Variants in NTRK3 observed in about 807,000 individuals in gnomAD.
NTRK3 encodes NT-3 growth factor receptor.
NTRK3 carries 24 observed loss-of-function variants against 91.7 expected under a neutral mutation model. The observed-to-expected ratio is 0.26, with a 90% CI of 0.19 to 0.37. NTRK3 has a LOEUF of 0.37. Among genes scored for constraint, NTRK3 ranks in the 10% least tolerant of loss-of-function variants. The pLI is 1.00. For synonymous variants in NTRK3, 483 were observed against 404.0 expected, an observed-to-expected ratio of 1.20 and a Z score of -2.34; for missense variants, 880 against 1,068.9, an observed-to-expected ratio of 0.82 and a Z score of 2.46.
chr15:87,971,987 G>A (rs1367464191), intron 14 of NTRK3, among the ~76,000 whole-genome samples: 10 of 152,200 alleles, frequency 6.6e-5, no homozygotes, highest in African/African-American at 2.4e-4. Context: ...GTGAGCTTTG[G>A]AGTGAGAAAG....
At chr15:88,225,807 A>C (rs566646919) in intron 3 of NTRK3, among the ~76,000 whole-genome samples, 26 of 152,102 alleles carry the variant, frequency 1.7e-4, no homozygotes, top group Middle Eastern at 3.4e-3. Flanking sequence ...AGGCAGGAGG[A>C]GGGATGGGAG....
chr15:88,113,251 T>C (rs1449878803), intron 13 of NTRK3, among the ~76,000 whole-genome samples: 2 of 151,818 alleles, frequency 1.3e-5, no homozygotes, highest in African/African-American at 4.8e-5. Flanking sequence ...ATTAATATTA[T>C]GACCTGCTTC....
At chr15:88,007,863 AC>A (rs2076605595) in intron 14 of NTRK3, among the ~76,000 whole-genome samples, 1 of 152,042 alleles carries the variant, frequency 6.6e-6, no homozygotes, top group African/African-American at 2.4e-5. Context: ...GATGAATAGG[AC>A]CCCTAACGTG....
In NTRK3 at chr15:87,877,148, T is replaced by G. The variant is rs367865797; in HGVS notation, c.2293-28A>C. 2.0e-5 allele frequency: 32 copies of G among 1,611,672 alleles called. No homozygotes were observed. In the Middle Eastern group the frequency reaches 7.1e-4, roughly 36 times the overall value. On this transcript the variant is annotated intron_variant, in intron 18 of 18. Transcript: ENST00000394480. ...GAAAGAGTGAGAAGAACAAGGAAGT[T>G]ACACCCAAAGCTCAGCCTTGGTCCT...
intron 14 of NTRK3, among the ~76,000 whole-genome samples, chr15:87,984,552 G>C (rs1365058298): frequency 6.6e-6 from 1 of 152,260 alleles, no homozygotes; most frequent in African/African-American, 2.4e-5. Context: ...GCTGGCCACA[G>C]TCTATGCTGC....
At chr15:87,886,721 T>TAC (rs1366635360) in intron 17 of NTRK3, among the ~76,000 whole-genome samples, 1 of 117,250 alleles carries the variant, frequency 8.5e-6, no homozygotes, top group Non-Finnish European at 1.8e-5. Context: ...CACACACACA[T>TAC]ACACACACAC....
intron 3 of NTRK3, among the ~76,000 whole-genome samples, chr15:88,224,037 C>T (rs2050467783): frequency 6.6e-6 from 1 of 152,208 alleles, no homozygotes; most frequent in African/African-American, 2.4e-5. Context: ...GCTAGGAAGG[C>T]CCGGGGCCGG....
chr15:87,996,399 G>A lies in NTRK3; in HGVS notation c.1585+36458C>T, dbSNP rs1000600961. ...CACGTGATACATTAGGGCTGGGATC[G>A]CTGAAGGAGAACCAAGAGGATGGAT... is the stretch of plus-strand genomic sequence containing the variant. On this transcript the variant is annotated intron_variant, in intron 14 of 18. Transcript: ENST00000394480. 2.6e-5 allele frequency among the ~76,000 whole-genome samples: 4 copies of A among 152,134 alleles called. No homozygotes were observed. In the South Asian group the frequency reaches 8.3e-4, roughly 32 times the overall value.
At chr15:88,169,862 T>C (rs1225412629) in intron 5 of NTRK3, among the ~76,000 whole-genome samples, 1 of 152,156 alleles carries the variant, frequency 6.6e-6, no homozygotes, top group Non-Finnish European at 1.5e-5. Flanking sequence ...TCCTTAGGTT[T>C]CAGGTGGCCT....
rs140933685 is a variant in NTRK3 at position 88,208,367 on chromosome 15, C to G, written c.249-24068G>C. 4.6e-5 allele frequency among the ~76,000 whole-genome samples: 7 copies of G among 152,100 alleles called. No homozygotes were observed. In the South Asian group the frequency reaches 8.3e-4, roughly 18 times the overall value. The stretch of plus-strand genomic sequence containing the variant: ...AAAATGATACCCCTCTAAAGGGAAT[C>G]AAAATAGAGTGGACACAAAGGAAAT... On this transcript the variant is annotated intron_variant, in intron 3 of 18. Coordinates refer to ENST00000394480, the Ensembl canonical transcript of NTRK3.
At chr15:88,104,209 T>A (rs1264894341) in intron 13 of NTRK3, among the ~76,000 whole-genome samples, 1 of 152,208 alleles carries the variant, frequency 6.6e-6, no homozygotes, top group Non-Finnish European at 1.5e-5. Flanking sequence ...ACCTTTGACG[T>A]TGAAAGATGA....
intron 17 of NTRK3, among the ~76,000 whole-genome samples, chr15:87,907,584 G>A (rs180939162): frequency 1.2e-4 from 18 of 152,136 alleles, no homozygotes; most frequent in Admixed American, 2.0e-4. Context: ...CTTAACTACC[G>A]CACGCCCTGT....
chr15:88,012,542 A>G (rs1160685532), intron 14 of NTRK3, among the ~76,000 whole-genome samples: 1 of 152,182 alleles, frequency 6.6e-6, no homozygotes, highest in East Asian at 1.9e-4. Context: ...CACTGTCACA[A>G]AAAAGTATTT....
At chr15:88,189,966 A>C (rs2047256309) in intron 3 of NTRK3, among the ~76,000 whole-genome samples, 1 of 152,188 alleles carries the variant, frequency 6.6e-6, no homozygotes, top group African/African-American at 2.4e-5. Flanking sequence ...AAAATTGTAG[A>C]ACACAAAGAC....
intron 3 of NTRK3, among the ~76,000 whole-genome samples, chr15:88,202,025 C>T (rs2048344561): frequency 6.6e-6 from 1 of 151,996 alleles, no homozygotes; most frequent in South Asian, 2.1e-4. Context: ...AAAAAGACTA[C>T]ATCAAGGCCT....
intron 14 of NTRK3, among the ~76,000 whole-genome samples, chr15:87,982,446 C>T (rs2074368364): frequency 6.6e-6 from 1 of 152,042 alleles, no homozygotes. Flanking sequence ...GGCCCACAGA[C>T]CCCGCTACAT....
intron 17 of NTRK3, among the ~76,000 whole-genome samples, chr15:87,906,286 G>A (rs1284780594): frequency 6.6e-6 from 1 of 152,234 alleles, no homozygotes; most frequent in African/African-American, 2.4e-5. Flanking sequence ...CAAGGTGCCT[G>A]GCTAGAGCAG....
At position 87,984,312 on chromosome 15, in the gene NTRK3, C is replaced by T. The variant is rs573507864; in HGVS notation, c.1586-43559G>A. 1.6e-4 allele frequency among the ~76,000 whole-genome samples: 24 copies of T among 152,334 alleles called. 1 individual carries two copies. In the South Asian group the frequency reaches 5.0e-3, roughly 32 times the overall value. On this transcript the variant is annotated intron_variant, in intron 14 of 18. Transcript: ENST00000394480. ...GAAAGGATTCCTCATAGACACATGT[C>T]TCTTGCTTCTTTTCTTGCCTGTATG...
chr15:88,054,531 C>A (rs2045516671), intron 13 of NTRK3, among the ~76,000 whole-genome samples: 2 of 152,146 alleles, frequency 1.3e-5, no homozygotes, highest in Non-Finnish European at 1.5e-5. Flanking sequence ...AGCAACTCAA[C>A]AGGCATCCCA....
Sources: allele counts gnomAD v4.1 joint callset (sites outside exome capture counted in the v4.1 genomes callset), GRCh38; gene constraint gnomAD v4.1.1; transcripts MANE v1.5; gene names NCBI Gene and HGNC (gene_info 2026-07-23, HGNC 2026-07-21).